The following UBE2N variants were observed in gnomAD, a reference collection of about 807,000 sequenced individuals.
The protein encoded by UBE2N is ubiquitin conjugating enzyme E2 N.
For missense variants in UBE2N, 60 were observed against 192.1 expected (o/e 0.31, Z 4.07); for synonymous variants, 70 against 69.2 (o/e 1.01, Z -0.06).
chr12:93,408,979 G>A lies in UBE2N; in HGVS notation c.*1060C>T. The A allele has an allele frequency of 6.6e-6, 1 of 152,646 alleles. No individual in the cohort carries two copies. Among genetic ancestry groups the A allele is most frequent in the East Asian group, 1.9e-4 (1 of 5,206 alleles). The allele number at this position is 152,646 out of a possible 1,614,324, so 9.5% of individuals were successfully genotyped here. ...GCAAAAATGTGGCACAACTGTGAAA[G>A]TCCTACATGTCAGTCACAACTGCTA... is the stretch of plus-strand genomic sequence containing the variant. On this transcript the variant is annotated 3_prime_UTR_variant, in exon 4 of 4. Transcript: ENST00000318066.
At chr12:93,439,881 A>T (rs898500615) in intron 1 of UBE2N, among the ~76,000 whole-genome samples, 1 of 2,788 alleles carries the variant, frequency 3.6e-4, no homozygotes, top group African/African-American at 4.2e-3. Flanking sequence ...TATATATCAC[A>T]GTATGAGTTA....
chr12:93,428,488 T>G (rs1342262128), intron 1 of UBE2N, among the ~76,000 whole-genome samples: 1 of 152,172 alleles, frequency 6.6e-6, no homozygotes, highest in African/African-American at 2.4e-5. Context: ...TCCAGGCCAG[T>G]CTGTCACTTC....
chr12:93,430,813 TA>T (rs869118481), intron 1 of UBE2N, among the ~76,000 whole-genome samples: 2 of 147,962 alleles, frequency 1.4e-5, no homozygotes, highest in Admixed American at 6.8e-5. Flanking sequence ...TATATATATA[TA>T]AAAAATTTTT....
At chr12:93,414,432 GA>G in intron 1 of UBE2N, among the ~76,000 whole-genome samples, 1 of 133,534 alleles carries the variant, frequency 7.5e-6, no homozygotes, top group Non-Finnish European at 1.5e-5. Flanking sequence ...CTAGGCAAAA[GA>G]GCGAAGCTCC....
intron 1 of UBE2N, among the ~76,000 whole-genome samples, chr12:93,417,498 G>A (rs1275725166): frequency 2.0e-5 from 3 of 152,204 alleles, no homozygotes; most frequent in Admixed American, 2.0e-4. Context: ...CTTAGAAAAA[G>A]TGCTAATTTG....
chr12:93,421,225 A>C, intron 1 of UBE2N, among the ~76,000 whole-genome samples: 1 of 147,286 alleles, frequency 6.8e-6, no homozygotes, highest in African/African-American at 2.6e-5. Flanking sequence ...CTGGGGGGAC[A>C]GATTCTCACT....
intron 1 of UBE2N, among the ~76,000 whole-genome samples, chr12:93,418,884 G>A (rs1031237785): frequency 1.1e-4 from 17 of 152,052 alleles, no homozygotes; most frequent in African/African-American, 4.1e-4. Flanking sequence ...AATTACACTT[G>A]TAGCACATGT....
rs540945345 is a variant in UBE2N at position 93,414,036 on chromosome 12, C to T, written c.31-2737G>A. 4.6e-5 allele frequency among the ~76,000 whole-genome samples: 7 copies of T among 151,266 alleles called. No homozygotes were observed. The South Asian group carries it at 1.5e-3, about 32-fold the overall frequency. On this transcript the variant is annotated intron_variant, in intron 1 of 3. Coordinates refer to ENST00000318066, the MANE Select transcript of UBE2N (RefSeq NM_003348.4). ...ATCAGCCGGGCATGGTGGCACGTGC[C>T]TGTAATCCCAGCTACTCGGGAGGCT...
Position 93,410,864 on chromosome 12 carries a change from G to C in UBE2N, c.288C>G (p.Ser96=). ...GAACTGTGCGGATCTGCAGTGCTGG[G>C]GACCACTTATCTATGAAGGCAACAG... is the stretch of plus-strand genomic sequence containing the variant. The part of the protein sequence containing the change: ...ICLDILKDKW[S]PALQIRTVLL... Residue 96 remains serine (S), a synonymous_variant, in exon 3 of 4, where the codon TCC becomes TCG. Coordinates refer to ENST00000318066, the MANE Select transcript of UBE2N (RefSeq NM_003348.4). 6.2e-7 allele frequency: 1 copy of C among 1,614,054 alleles called. No individual in the cohort carries two copies. Among genetic ancestry groups the C allele is most frequent in the Non-Finnish European group, 8.5e-7 (1 of 1,180,014 alleles).
rs975044703 is a variant in UBE2N, at chr12:93,407,379, C to CTAA, written c.*2657_*2659dup. 1 of 152,252 alleles carries CTAA rather than the reference C, an allele frequency of 6.6e-6. No homozygotes were observed. Among genetic ancestry groups the CTAA allele is most frequent in the African/African-American group, 2.4e-5 (1 of 41,454 alleles). The allele number at this position is 152,252 out of a possible 1,614,324, so 9.4% of individuals were successfully genotyped here. A position where few individuals can be genotyped will look rare whatever the true frequency, so the allele number is the denominator to read the frequency against. On this transcript the variant is annotated 3_prime_UTR_variant, in exon 4 of 4. Transcript: ENST00000318066. The stretch of plus-strand genomic sequence containing the variant: ...AAGCCCCATGCCATTCACTCACCAC[C>CTAA]TAATCATCCCCAACAACTAGTGGGC...
Position 93,410,822 on chromosome 12 carries a change from G to C in UBE2N, c.330C>G (p.Ala110=). ...CATCTGGATTGGGAGCACTTAACAA[G>C]GCCTGGATCGATAGCAGAACTGTGC... is the stretch of plus-strand genomic sequence containing the variant. ...QIRTVLLSIQ[A]LLSAPNPDDP... is the part of the protein sequence containing the mutation. Residue 110 remains alanine, a synonymous_variant, in exon 3 of 4, where the codon GCC becomes GCG. Coordinates refer to ENST00000318066, the MANE Select transcript of UBE2N (RefSeq NM_003348.4). 6.2e-7 allele frequency: 1 copy of C among 1,614,142 alleles called. No homozygotes were observed. Among genetic ancestry groups the C allele is most frequent in the East Asian group, 2.2e-5 (1 of 44,882 alleles).
At chr12:93,419,424 C>T (rs905221534) in intron 1 of UBE2N, among the ~76,000 whole-genome samples, 1 of 151,544 alleles carries the variant, frequency 6.6e-6, no homozygotes, top group Non-Finnish European at 1.5e-5. Context: ...GAACATTTGA[C>T]ATCACTAATA....
At chr12:93,414,919 T>C (rs981471625) in intron 1 of UBE2N, among the ~76,000 whole-genome samples, 2 of 152,252 alleles carry the variant, frequency 1.3e-5, no homozygotes, top group Non-Finnish European at 2.9e-5. Flanking sequence ...TTTGGAACAC[T>C]GCCTGGCACA....
intron 1 of UBE2N, among the ~76,000 whole-genome samples, chr12:93,420,004 GAAT>G (rs1248659991): frequency 2.0e-5 from 3 of 152,118 alleles, no homozygotes. Flanking sequence ...GTCAAATGGA[GAAT>G]AATGATTCTC....
intron 1 of UBE2N, among the ~76,000 whole-genome samples, chr12:93,426,096 A>AT (rs1232956215): frequency 6.6e-6 from 1 of 152,180 alleles, no homozygotes; most frequent in African/African-American, 2.4e-5. Context: ...AACTCAGCAG[A>AT]TTTTTTACTC....
intron 1 of UBE2N, among the ~76,000 whole-genome samples, chr12:93,431,774 TTTTGATGAGACCCTGA>T (rs1878779850): frequency 1.3e-5 from 2 of 152,212 alleles, no homozygotes; most frequent in African/African-American, 4.8e-5. Flanking sequence ...TAATAATTAT[TTTTGATGAGACCCTGA>T]TTCTATTATC....
chr12:93,441,692 C>A (rs1879119324), intron 1 of UBE2N, among the ~76,000 whole-genome samples, 163 bp downstream of exon 1: 1 of 151,982 alleles, frequency 6.6e-6, no homozygotes, highest in Non-Finnish European at 1.5e-5. Context: ...GGCGCCCCCT[C>A]CTCAGCACCC....
intron 1 of UBE2N, among the ~76,000 whole-genome samples, chr12:93,426,131 C>T (rs73216894): frequency 1.0e-3 from 153 of 152,176 alleles, no homozygotes; most frequent in Non-Finnish European, 1.4e-3. Context: ...ATTATCTCGT[C>T]CTGCACTACT....
chr12:93,422,615 C>T (rs1421872721), intron 1 of UBE2N, among the ~76,000 whole-genome samples: 1 of 152,070 alleles, frequency 6.6e-6, no homozygotes. Context: ...TTTTAAAAGC[C>T]TGTTTTATGT....
Sources: allele counts gnomAD v4.1 joint callset (sites outside exome capture counted in the v4.1 genomes callset), GRCh38; gene constraint gnomAD v4.1.1; transcripts MANE v1.5; gene names NCBI Gene and HGNC (gene_info 2026-07-23, HGNC 2026-07-21).